LRRK2: variants seen among roughly 807,000 people sequenced by gnomAD.
The protein encoded by LRRK2 is leucine-rich repeat serine/threonine-protein kinase 2.
In LRRK2, 203 loss-of-function variants were observed where a neutral mutation model predicts 302.6. The observed-to-expected ratio is 0.67, with a 90% confidence interval of 0.60 to 0.75. The LOEUF (loss-of-function observed/expected upper bound fraction) is 0.75, where lower values mean the gene tolerates loss of function less well. LRRK2 is among the 30% of genes least tolerant of loss of function. The pLI is 0.00. For missense variants in LRRK2, 2,830 were observed against 2,951.0 expected (o/e 0.96, Z 0.95); for synonymous variants, 1,066 against 1,031.9 (o/e 1.03, Z -0.63).
chr12:40,348,871 T>C (rs1215875348), intron 43 of LRRK2, among the ~76,000 whole-genome samples: 2 of 152,090 alleles, frequency 1.3e-5, no homozygotes, highest in Non-Finnish European at 2.9e-5. Flanking sequence ...AGCTGGTGGC[T>C]TGCTTTTTAA....
At chr12:40,324,246 G>C (rs1945484162) in intron 38 of LRRK2, among the ~76,000 whole-genome samples, 1 of 151,910 alleles carries the variant, frequency 6.6e-6, no homozygotes, top group Admixed American at 6.6e-5. Context: ...TTTTTTAATT[G>C]ACAAGTAAAA....
chr12:40,344,013 G>T (rs1051588585), intron 41 of LRRK2, among the ~76,000 whole-genome samples: 3 of 152,162 alleles, frequency 2.0e-5, no homozygotes, highest in Admixed American at 2.0e-4. Flanking sequence ...AAGATTAGAA[G>T]TTTAAAAGCA....
At chr12:40,295,900 C>T (rs1003165914) in intron 23 of LRRK2, among the ~76,000 whole-genome samples, 7 of 152,094 alleles carry the variant, frequency 4.6e-5, no homozygotes, top group African/African-American at 1.7e-4. Flanking sequence ...TAAAGTCTGT[C>T]AAGTGTATAT....
chr12:40,302,233 A>C (rs1486796374), intron 25 of LRRK2, among the ~76,000 whole-genome samples: 1 of 152,004 alleles, frequency 6.6e-6, no homozygotes, highest in African/African-American at 2.4e-5. Flanking sequence ...AAAATATACC[A>C]GAGTATTGAG....
At chr12:40,362,326 T>G (rs1321930311) in intron 47 of LRRK2, among the ~76,000 whole-genome samples, 1 of 152,060 alleles carries the variant, frequency 6.6e-6, no homozygotes, top group Non-Finnish European at 1.5e-5. Flanking sequence ...TGTTAAATCT[T>G]TATGGTATTT....
At position 40,293,379 on chromosome 12, in the gene LRRK2, T is replaced by G. The variant is rs531591846; in HGVS notation, c.2690-166T>G. Among the ~76,000 whole-genome samples the G allele has an allele frequency of 1.3e-3, 199 of 152,148 alleles. 1 individual carries two copies. Among genetic ancestry groups the G allele is most frequent in the African/African-American group, 4.6e-3 (191 of 41,552 alleles). ...GAATTTTTAAAGTGAAAAACCAACA[T>G]GGCTTATCATCTCTATTTTAAAGAT... On this transcript the variant is annotated intron_variant, in intron 20 of 50. Coordinates refer to ENST00000298910, the MANE Select transcript of LRRK2 (RefSeq NM_198578.4).
At position 40,367,643 on chromosome 12, in the gene LRRK2, G is replaced by C; in HGVS notation, c.7463-1G>C. 1.3e-6 allele frequency: 2 copies of C among 1,596,522 alleles called. No individual in the cohort carries two copies. Among genetic ancestry groups the C allele is most frequent in the Non-Finnish European group, 1.7e-6 (2 of 1,171,298 alleles). ...ATGATTTCATTTTTTTCTTTTTCTA[G>C]AGATACAATCTTGCTTGACCGTTTG... On this transcript the variant is annotated splice_acceptor_variant, in intron 50 of 50. Coordinates refer to ENST00000298910, the MANE Select transcript of LRRK2 (RefSeq NM_198578.4). LOFTEE classifies it high-confidence loss of function.
intron 36 of LRRK2, 54 bp downstream of exon 36, chr12:40,322,235 T>TAA (rs66762941): frequency 1.7e-3 from 2,263 of 1,359,924 alleles, no homozygotes; most frequent in Non-Finnish European, 2.0e-3. Context: ...AATTTAAACT[T>TAA]AAAAAAAAAA....
rs144637233 is a variant in LRRK2, at chr12:40,247,485, A to T, written c.839-2341A>T. Among the ~76,000 whole-genome samples the T allele has an allele frequency of 1.7e-3, 253 of 145,882 alleles. 6 individuals carry two copies. The highest frequency in any genetic ancestry group is 0.017 in the Admixed American group (238 of 14,338). ...TATAAATATATACACATTGTATATA[A>T]ATGTGTATATATATTTACACATGTA... On this transcript the variant is annotated intron_variant, in intron 7 of 50. Transcript: ENST00000298910.
chr12:40,266,086 G>C (rs956836525), intron 14 of LRRK2, among the ~76,000 whole-genome samples: 2 of 152,172 alleles, frequency 1.3e-5, no homozygotes, highest in African/African-American at 2.4e-5. Context: ...CAGGACATAG[G>C]CATAGGCAAG....
intron 38 of LRRK2, among the ~76,000 whole-genome samples, chr12:40,325,210 C>T (rs1425392721): frequency 6.6e-6 from 1 of 152,160 alleles, no homozygotes; most frequent in Admixed American, 6.5e-5. Flanking sequence ...TTGCTTGAAC[C>T]TGGGAGGCGG....
chr12:40,229,657 A>G (rs931491680), intron 2 of LRRK2, among the ~76,000 whole-genome samples: 1 of 152,212 alleles, frequency 6.6e-6, no homozygotes. Context: ...AGTTTTTAGA[A>G]TAATTATAAT....
intron 20 of LRRK2, among the ~76,000 whole-genome samples, chr12:40,292,440 A>G (rs187798269): frequency 6.6e-6 from 1 of 152,098 alleles, no homozygotes; most frequent in African/African-American, 2.4e-5. Flanking sequence ...TAATTATAAA[A>G]TGCACTATGC....
At chr12:40,327,195 G>T (rs906561150) in intron 38 of LRRK2, among the ~76,000 whole-genome samples, 2 of 152,180 alleles carry the variant, frequency 1.3e-5, no homozygotes, top group Admixed American at 1.3e-4. Flanking sequence ...AGTTTGTGAG[G>T]CAGGCCTCCA....
rs57421387 is a variant in LRRK2 at position 40,313,687 on chromosome 12, G to GTT, written c.4537-277_4537-276dup. Among the ~76,000 whole-genome samples the GTT allele has an allele frequency of 1.8e-3, 277 of 150,166 alleles. 1 individual carries two copies. Among genetic ancestry groups the GTT allele is most frequent in the African/African-American group, 6.2e-3 (254 of 40,938 alleles). On this transcript the variant is annotated intron_variant, in intron 31 of 50. Coordinates refer to ENST00000298910, the MANE Select transcript of LRRK2 (RefSeq NM_198578.4). Reference sequence around the variant, plus strand: ...TTTTTTATGGTTAGTGATTTATCTTGTTTTTTTTTCCATGGAATTTCTGGA... The same window carrying GTT: ...TTTTTTATGGTTAGTGATTTATCTTGTTTTTTTTTTTCCATGGAATTTCTGGA...
At chr12:40,303,007 A>G in intron 26 of LRRK2, 125 bp downstream of exon 26, 1 of 683,822 alleles carries the variant, frequency 1.5e-6, no homozygotes, top group Non-Finnish European at 2.6e-6. Context: ...ATGTTTTTGT[A>G]TGTATGAATG....
intron 41 of LRRK2, among the ~76,000 whole-genome samples, chr12:40,343,482 T>G (rs751505434): frequency 1.3e-5 from 2 of 152,208 alleles, no homozygotes; most frequent in Non-Finnish European, 2.9e-5. Flanking sequence ...TGGAACATAC[T>G]CTACTCATAC....
intron 24 of LRRK2, among the ~76,000 whole-genome samples, chr12:40,298,885 ACTT>A (rs1435150918): frequency 1.1e-4 from 1 of 9,442 alleles, no homozygotes; most frequent in Admixed American, 1.7e-3. Flanking sequence ...TATATATAAT[ACTT>A]ATTATATATA....
chr12:40,328,287 A>C, intron 38 of LRRK2, 73 bp from the exon 39 acceptor site: 1 of 1,136,712 alleles, frequency 8.8e-7, no homozygotes, highest in Non-Finnish European at 1.3e-6. Flanking sequence ...ATATAATTAC[A>C]ACAGATATAA....
Sources: gnomAD v4.1 joint callset for allele counts (sites outside exome capture counted in the v4.1 genomes callset) on GRCh38, gnomAD v4.1.1 for gene constraint, MANE v1.5 for transcripts, NCBI Gene and HGNC (gene_info 2026-07-23, HGNC 2026-07-21) for gene names.